ATP2C2: variants seen among roughly 807,000 people sequenced by gnomAD.
ATP2C2 encodes ATPase secretory pathway Ca2+ transporting 2.
Under a neutral mutation model 110.8 loss-of-function variants are expected in ATP2C2, and 171 were observed. The ratio of observed to expected loss-of-function variants is 1.54; its 90% CI spans 1.36 to 1.75. ATP2C2 has a LOEUF of 1.75. Ranked by LOEUF, ATP2C2 falls within the 40% of genes most tolerant of loss-of-function variation. ATP2C2 has a pLI of 0.00. For synonymous variants in ATP2C2, 804 were observed against 508.4 expected (o/e 1.58, Z -7.82); for missense variants, 1,963 against 1,235.0 (o/e 1.59, Z -8.84).
intron 2 of ATP2C2, among the ~76,000 whole-genome samples, chr16:84,399,053 A>C (rs543912908): frequency 6.6e-6 from 1 of 152,246 alleles, no homozygotes; most frequent in Non-Finnish European, 1.5e-5. Flanking sequence ...GTTGCCAGGT[A>C]CTAAAACCAA....
At chr16:84,451,464 T>G (rs182493961) in intron 17 of ATP2C2, among the ~76,000 whole-genome samples, 1 of 152,210 alleles carries the variant, frequency 6.6e-6, no homozygotes, top group Non-Finnish European at 1.5e-5. Flanking sequence ...GCTGGAGGCA[T>G]CTCTGCCCTC....
At chr16:84,377,706 G>C (rs754660078) in intron 1 of ATP2C2, among the ~76,000 whole-genome samples, 1 of 152,076 alleles carries the variant, frequency 6.6e-6, no homozygotes, top group Non-Finnish European at 1.5e-5. Flanking sequence ...ATGGGGTGTG[G>C]GGTTTAGGGC....
In ATP2C2 at chr16:84,452,065, A is replaced by G; in HGVS notation, c.1805A>G (p.Asp602Gly). The G allele has an allele frequency of 6.2e-7, 1 of 1,613,308 alleles. No homozygotes were observed. The highest frequency in any genetic ancestry group is 8.5e-7 in the Non-Finnish European group (1 of 1,179,948). The change falls in exon 18 of 27, where the codon GAT (aspartate) becomes GGT (glycine). Residue 602 changes from aspartate (D) to glycine (G), a missense_variant. Coordinates refer to ENST00000262429, the MANE Select transcript of ATP2C2 (RefSeq NM_014861.4). ...SGVSVKMITG[D>G]ALETALAIGR... ...GTGTCTGTGAAGATGATAACGGGGG[A>G]TGCCCTGGAGACGGCCTTGGCCATA...
At chr16:84,415,312 C>T (rs567175759) in intron 6 of ATP2C2, among the ~76,000 whole-genome samples, 171 bp from the exon 7 acceptor site, 2 of 152,282 alleles carry the variant, frequency 1.3e-5, no homozygotes, top group South Asian at 2.1e-4. Context: ...CATACTTTCT[C>T]TAAAGTCTTA....
chr16:84,454,961 G>A lies in ATP2C2; in HGVS notation c.2124G>A (p.Val708=), dbSNP rs975903360. ...VSKEAANMIL[V]DDDFSAIMNA... ...AAGAGGCCGCCAACATGATCCTGGTGGATGATGACTTCTCAGCCATCATGT... is the reference window on the plus strand; with the variant it reads ...AAGAGGCCGCCAACATGATCCTGGTAGATGATGACTTCTCAGCCATCATGT... Residue 708 remains valine (V), a synonymous_variant, in exon 21 of 27, where the codon GTG becomes GTA. Transcript: ENST00000262429. 5.0e-6 allele frequency: 8 copies of A among 1,613,542 alleles called. No homozygotes were observed. In the South Asian group the frequency reaches 8.8e-5, roughly 18 times the overall value.
chr16:84,441,430 T>A (rs907589494), intron 14 of ATP2C2, among the ~76,000 whole-genome samples: 2 of 152,160 alleles, frequency 1.3e-5, no homozygotes, highest in African/African-American at 4.8e-5. Flanking sequence ...TTAGTGAGCC[T>A]GTGATGATGT....
Position 84,439,423 on chromosome 16 carries a change from C to T in ATP2C2, c.1112-4C>T. The T allele has an allele frequency of 6.2e-7, 1 of 1,614,000 alleles. No homozygotes were observed. On this transcript the variant is annotated splice_region_variant and splice_polypyrimidine_tract_variant and intron_variant, in intron 12 of 26. Coordinates refer to ENST00000262429, the MANE Select transcript of ATP2C2 (RefSeq NM_014861.4). The stretch of plus-strand genomic sequence containing the variant: ...CTTCTATAAACTGGTGTTTGTTGTA[C>T]CAGGTTGCTGCAGCGTTCTCTGTTC...
At chr16:84,433,257 C>T (rs965135452) in intron 11 of ATP2C2, among the ~76,000 whole-genome samples, 3 of 152,064 alleles carry the variant, frequency 2.0e-5, no homozygotes, top group African/African-American at 7.2e-5. Flanking sequence ...GTGGTGCACG[C>T]TTGTAGCCCC....
intron 24 of ATP2C2, 101 bp downstream of exon 24, chr16:84,460,902 G>T (rs1911260457): frequency 7.0e-7 from 1 of 1,436,764 alleles, no homozygotes; most frequent in South Asian, 1.3e-5. Flanking sequence ...ATCTGGGAGA[G>T]GCAAACATGT....
chr16:84,412,384 ATATG>A (rs1567705212), intron 6 of ATP2C2, among the ~76,000 whole-genome samples: 5 of 34,996 alleles, frequency 1.4e-4, no homozygotes, highest in Admixed American at 7.4e-4. Flanking sequence ...GCGTGTGTGT[ATATG>A]TGTCTGTGTG....
intron 7 of ATP2C2, among the ~76,000 whole-genome samples, chr16:84,420,172 T>A (rs1395953064): frequency 6.6e-6 from 1 of 152,200 alleles, no homozygotes; most frequent in Non-Finnish European, 1.5e-5. Context: ...CCTCCCTCCC[T>A]GCTCTGTACA....
At chr16:84,420,034 C>A (rs541272775) in intron 7 of ATP2C2, among the ~76,000 whole-genome samples, 1 of 152,152 alleles carries the variant, frequency 6.6e-6, no homozygotes, top group Admixed American at 6.5e-5. Flanking sequence ...GATAAGTTTT[C>A]GCTTTCAACT....
At chr16:84,450,060 C>A (rs976592803) in intron 17 of ATP2C2, among the ~76,000 whole-genome samples, 1 of 152,254 alleles carries the variant, frequency 6.6e-6, no homozygotes, top group Non-Finnish European at 1.5e-5. Flanking sequence ...CGTAATGACG[C>A]GTTCCAGGGA....
At chr16:84,430,516 C>T (rs532815265) in intron 11 of ATP2C2, among the ~76,000 whole-genome samples, 8 of 151,980 alleles carry the variant, frequency 5.3e-5, no homozygotes, top group African/African-American at 1.9e-4. Context: ...TGGCACGTGC[C>T]TATAATCCCA....
intron 2 of ATP2C2, among the ~76,000 whole-genome samples, chr16:84,401,588 C>T (rs1905325351): frequency 6.6e-6 from 1 of 152,144 alleles, no homozygotes; most frequent in Admixed American, 6.6e-5. Flanking sequence ...AAAGAGATTG[C>T]CCTTTCCCCA....
intron 18 of ATP2C2, 50 bp downstream of exon 18, chr16:84,452,141 T>G (rs753174497): frequency 6.2e-7 from 1 of 1,602,580 alleles, no homozygotes; most frequent in Non-Finnish European, 8.5e-7. Context: ...ATCCATCCTT[T>G]ACGATGGGGG....
intron 3 of ATP2C2, among the ~76,000 whole-genome samples, chr16:84,405,692 G>T (rs1007026824): frequency 6.6e-6 from 1 of 151,964 alleles, no homozygotes; most frequent in Non-Finnish European, 1.5e-5. Flanking sequence ...GGCTGAAGCG[G>T]GTGGATCACT....
At position 84,453,224 on chromosome 16, in the gene ATP2C2, C is replaced by T. The variant is rs1304628817; in HGVS notation, c.1918C>T (p.Arg640Cys). 31 of 1,613,802 alleles carry T rather than the reference C, an allele frequency of 1.9e-5. No homozygotes were observed. The highest frequency in any genetic ancestry group is 1.6e-4 in the Middle Eastern group (1 of 6,062). The change falls in exon 19 of 27, where the codon CGC becomes TGC. Residue 640 changes from arginine (R) to cysteine (C), a missense_variant. Physicochemically the swap from Arg to Cys is radical, Grantham distance 180. Transcript: ENST00000262429. Reference sequence around the variant, plus strand: ...CGTGGAGAAGGGCGAGCTGGCCGACCGCGTGGGGAAGGTGGGTCCCCGGAG... The same window carrying T: ...CGTGGAGAAGGGCGAGCTGGCCGACTGCGTGGGGAAGGTGGGTCCCCGGAG... ...DSVEKGELADRVGKVSVFFRT... is the reference protein window; with the variant it reads ...DSVEKGELADCVGKVSVFFRT...
chr16:84,435,531 A>G (rs1908658870), intron 11 of ATP2C2, among the ~76,000 whole-genome samples: 1 of 152,218 alleles, frequency 6.6e-6, no homozygotes, highest in African/African-American at 2.4e-5. Flanking sequence ...GCAGAGGATA[A>G]AAACAGCCAC....
Sources: gnomAD v4.1 joint callset for allele counts (sites outside exome capture counted in the v4.1 genomes callset) on GRCh38, gnomAD v4.1.1 for gene constraint, MANE v1.5 for transcripts, NCBI Gene and HGNC (gene_info 2026-07-23, HGNC 2026-07-21) for gene names.